PP2D1: variants seen among roughly 807,000 people sequenced by gnomAD.
PP2D1 encodes protein phosphatase 2C like domain containing 1.
Under a neutral mutation model 30.2 loss-of-function variants are expected in PP2D1, and 25 were observed. The observed-to-expected ratio is 0.83, with a 90% CI of 0.60 to 1.16. The LOEUF (loss-of-function observed/expected upper bound fraction) is 1.16, where lower values mean the gene tolerates loss of function less well. PP2D1 is among the 50% of genes most tolerant of loss of function. PP2D1 has a pLI of 0.00. For synonymous variants in PP2D1, 260 were observed against 258.9 expected (o/e 1.00, Z -0.04); for missense variants, 760 against 742.4 (o/e 1.02, Z -0.28).
rs888748259 is a variant in PP2D1, at chr3:20,001,899, T to A, written c.221A>T (p.Asp74Val). ...CTTATGGAGAAAAATACCAGTTAGGTCAATTTCGTGCTTGCATATGGAACA... is the reference window on the plus strand; with the variant it reads ...CTTATGGAGAAAAATACCAGTTAGGACAATTTCGTGCTTGCATATGGAACA... ...LPCSICKHEIDLTGIFLHKKQ... is the reference protein window; with the variant it reads ...LPCSICKHEIVLTGIFLHKKQ... Residue 74 changes from aspartate (D) to valine (V), a missense_variant, in exon 2 of 3, where the codon GAC (aspartate) becomes GTC (valine). Transcript: ENST00000389050. 1 of 1,536,306 alleles carries A rather than the reference T, an allele frequency of 6.5e-7. No homozygotes were observed. The highest frequency in any genetic ancestry group is 8.7e-7 in the Non-Finnish European group (1 of 1,146,958).
chr3:19,989,597 CTT>C (rs1321091018), intron 2 of PP2D1, among the ~76,000 whole-genome samples: 4 of 152,138 alleles, frequency 2.6e-5, no homozygotes, highest in Admixed American at 2.0e-4. Context: ...AAAATCTTGA[CTT>C]TTGCTGGATT....
Position 19,985,555 on chromosome 3 carries a change from C to G in PP2D1, c.1718G>C (p.Ser573Thr). Residue 573 changes from serine to threonine, a missense_variant, in exon 3 of 3, where the codon AGT becomes ACT. Physicochemically the swap from Ser to Thr is moderately conservative, Grantham distance 58 (BLOSUM62 1). This residue lies in a region of PP2D1 where 369 missense variants were observed against 316.2 expected (regional missense o/e 1.17). Coordinates refer to ENST00000389050, the MANE Select transcript of PP2D1 (RefSeq NM_001252657.2). ...TTCATTTGTTGCCACATCATTTACA[C>G]TAGTTGGTCTGTCAGTTACTTTTTC... ...CSEKVTDRPTSVNDVATNEKE... is the reference protein window; with the variant it reads ...CSEKVTDRPTTVNDVATNEKE... The G allele has an allele frequency of 6.5e-7, 1 of 1,536,072 alleles. No individual in the cohort carries two copies.
At chr3:20,008,548 C>G (rs1312540781) in intron 1 of PP2D1, among the ~76,000 whole-genome samples, 1 of 152,042 alleles carries the variant, frequency 6.6e-6, no homozygotes, top group African/African-American at 2.4e-5. Flanking sequence ...GCCCGGGCAA[C>G]AAGAGTGAAA....
intron 2 of PP2D1, 78 bp downstream of exon 2, chr3:20,000,952 A>C: frequency 1.3e-6 from 1 of 745,848 alleles, no homozygotes; most frequent in Non-Finnish European, 1.9e-6. Flanking sequence ...ACAATAAAAA[A>C]TTGTGGAAGC....
intron 2 of PP2D1, among the ~76,000 whole-genome samples, chr3:19,994,438 C>G (rs937350879): frequency 6.6e-6 from 1 of 152,150 alleles, no homozygotes. Context: ...CGAGACCAGC[C>G]TGGGCAATAT....
intron 1 of PP2D1, among the ~76,000 whole-genome samples, chr3:20,006,136 C>T (rs1250819330): frequency 6.6e-6 from 1 of 151,360 alleles, no homozygotes; most frequent in African/African-American, 2.4e-5. Context: ...ATCTCAGCTA[C>T]TCGGGAGGCT....
downstream of PP2D1, among the ~76,000 whole-genome samples, chr3:19,983,345 C>CCAA (rs1696967820): frequency 1.1e-5 from 1 of 92,120 alleles, no homozygotes; most frequent in African/African-American, 4.1e-5. Context: ...GACTACATCT[C>CCAA]AAAAAAAAAA....
Position 20,001,656 on chromosome 3 carries a change from C to G in PP2D1, c.464G>C (p.Arg155Thr). The G allele has an allele frequency of 6.5e-7, 1 of 1,535,942 alleles. No homozygotes were observed. Among genetic ancestry groups the G allele is most frequent in the Non-Finnish European group, 8.7e-7 (1 of 1,146,772 alleles). The change falls in exon 2 of 3, where the codon AGG becomes ACG. Residue 155 changes from arginine (R) to threonine (T), a missense_variant. Physicochemically the swap from Arg to Thr is moderately conservative, Grantham distance 71. This residue lies in a region of PP2D1 where 374 missense variants were observed against 388.8 expected (regional missense o/e 0.96). Coordinates refer to ENST00000389050, the MANE Select transcript of PP2D1 (RefSeq NM_001252657.2). Reference sequence around the variant, plus strand: ...TATTTTTTGAGAATATATGACACTCCTGTCAATGTTATCAAAAATCTTATA... The same window carrying G: ...TATTTTTTGAGAATATATGACACTCGTGTCAATGTTATCAAAAATCTTATA... ...AYYKIFDNID[R>T]SVIYSQKICH...
downstream of PP2D1, chr3:19,984,327 A>G (rs1200631546): frequency 2.4e-6 from 1 of 409,242 alleles, no homozygotes; most frequent in Non-Finnish European, 4.8e-6. Context: ...CCACATTTTA[A>G]TAAATTAACC....
chr3:19,987,966 TCA>T (rs1697062812), intron 2 of PP2D1, among the ~76,000 whole-genome samples: 1 of 152,216 alleles, frequency 6.6e-6, no homozygotes, highest in African/African-American at 2.4e-5. Flanking sequence ...ACTTCCCCAG[TCA>T]GTACTCATAA....
At chr3:19,996,063 A>G (rs547562754) in intron 2 of PP2D1, among the ~76,000 whole-genome samples, 2 of 152,268 alleles carry the variant, frequency 1.3e-5, no homozygotes, top group African/African-American at 2.4e-5. Context: ...ACTAAACTCA[A>G]AATTAATAGA....
At chr3:19,985,279 C>T, downstream of PP2D1, 3 of 800,192 alleles carry the variant, frequency 3.7e-6, no homozygotes, top group South Asian at 3.8e-5. Context: ...TTACTATGTT[C>T]ATAAAATTAT....
At chr3:19,984,407 C>A, downstream of PP2D1, 1 of 217,918 alleles carries the variant, frequency 4.6e-6, no homozygotes, top group Non-Finnish European at 9.4e-6. Flanking sequence ...TAATTATACC[C>A]AGTCTGGTTT....
At chr3:19,981,823 C>G (rs1047383219), downstream of PP2D1, among the ~76,000 whole-genome samples, 2 of 152,056 alleles carry the variant, frequency 1.3e-5, no homozygotes, top group African/African-American at 4.8e-5. Context: ...CTGAATTTGA[C>G]AAGCCACACT....
rs1351186416 is a variant in PP2D1, at chr3:20,001,730, G to A, written c.390C>T (p.Ser130=). The change falls in exon 2 of 3, where the codon AGC becomes AGT. Residue 130 remains serine (S), a synonymous_variant. Transcript: ENST00000389050. ...SFMFTEKTLQ[S]INNAFELLWK... ...AAAGCAGCTCAAAAGCATTATTAAT[G>A]CTCTGTAGGGTTTTTTCAGTGAACA... 6.5e-7 allele frequency: 1 copy of A among 1,531,724 alleles called. No homozygotes were observed. The highest frequency in any genetic ancestry group is 8.7e-7 in the Non-Finnish European group (1 of 1,145,182). The allele number at this position is 1,531,724 out of a possible 1,614,324, so 94.9% of individuals were successfully genotyped here. A position where few individuals can be genotyped will look rare whatever the true frequency, so the allele number is the denominator to read the frequency against.
rs897269300 is a variant in PP2D1, at chr3:19,986,023, G to A, written c.1250C>T (p.Thr417Ile). The A allele has an allele frequency of 2.0e-6, 3 of 1,536,066 alleles. No individual in the cohort carries two copies. Among genetic ancestry groups the A allele is most frequent in the East Asian group, 2.4e-5 (1 of 40,906 alleles). ...ATTTCCATGAAATCCAAGTCCTCGT[G>A]TAGTTTTTACTTGCCCCTCTACAAG... is the stretch of plus-strand genomic sequence containing the variant. ...YGLVEGQVKT[T>I]RGLGFHGNLK... Residue 417 changes from threonine to isoleucine, a missense_variant, in exon 3 of 3, where the codon ACA (threonine) becomes ATA (isoleucine). Coordinates refer to ENST00000389050, the MANE Select transcript of PP2D1 (RefSeq NM_001252657.2).
chr3:20,010,479 T>C (rs940740491), intron 1 of PP2D1, among the ~76,000 whole-genome samples: 1 of 152,084 alleles, frequency 6.6e-6, no homozygotes, highest in Non-Finnish European at 1.5e-5. Flanking sequence ...AATACTTCAG[T>C]CTCAACAGTC....
downstream of PP2D1, among the ~76,000 whole-genome samples, chr3:19,981,399 A>G (rs578013282): frequency 3.9e-5 from 6 of 152,136 alleles, no homozygotes; most frequent in Non-Finnish European, 8.8e-5. Context: ...ACCTGAGGTC[A>G]GGAGTTGGTC....
Position 20,001,400 on chromosome 3 carries a change from C to G in PP2D1, c.720G>C (p.Met240Ile), listed in dbSNP as rs1426306639. The change falls in exon 2 of 3, where the codon ATG becomes ATC. Residue 240 changes from methionine to isoleucine, a missense_variant. Met to Ile is a conservative substitution (Grantham distance 10). Transcript: ENST00000389050. ...TGATTATTTGTTGCTCATCAGTTGT[C>G]ATTTGGTAAGAAGGATCAAATTTGG... ...QLSKFDPSYQ[M>I]TTDEQQIINS... 5 of 1,536,490 alleles carry G rather than the reference C, an allele frequency of 3.3e-6. No homozygotes were observed. The highest frequency in any genetic ancestry group is 4.4e-6 in the Non-Finnish European group (5 of 1,147,010).
Sources: gnomAD v4.1 joint callset for allele counts (sites outside exome capture counted in the v4.1 genomes callset) on GRCh38, gnomAD v4.1.1 for gene constraint, gnomAD v4.1.1 regional missense constraint, MANE v1.5 for transcripts, NCBI Gene and HGNC (gene_info 2026-07-23, HGNC 2026-07-21) for gene names.